The following CNTN5 variants were observed in gnomAD, a reference collection of about 807,000 sequenced individuals.
The protein encoded by CNTN5 is contactin-5.
CNTN5 carries 77 observed loss-of-function variants against 129.1 expected under a neutral mutation model. The observed-to-expected ratio is 0.60, with a 90% CI of 0.50 to 0.72. The LOEUF is 0.72. Ranked by LOEUF, CNTN5 falls within the 30% of genes least tolerant of loss-of-function variation. CNTN5 has a pLI of 0.00. For synonymous variants in CNTN5, 509 were observed against 465.6 expected, an observed-to-expected ratio of 1.09 and a Z score of -1.20; for missense variants, 1,478 against 1,328.8, an observed-to-expected ratio of 1.11 and a Z score of -1.75.
At chr11:99,819,921 G>T (rs115005117) in intron 4 of CNTN5, among the ~76,000 whole-genome samples, 156 bp downstream of exon 4, 137 of 152,324 alleles carry the variant, frequency 9.0e-4, no homozygotes, top group African/African-American at 3.2e-3. Context: ...TAAAGCTGGG[G>T]TGAGCTAGTA....
At chr11:99,504,089 C>T (rs1946525412) in intron 2 of CNTN5, among the ~76,000 whole-genome samples, 1 of 152,120 alleles carries the variant, frequency 6.6e-6, no homozygotes, top group Non-Finnish European at 1.5e-5. Context: ...AATTATAAAT[C>T]TGTGGTGAAC....
intron 1 of CNTN5, among the ~76,000 whole-genome samples, chr11:99,154,063 C>T (rs774319340): frequency 7.9e-5 from 12 of 152,176 alleles, no homozygotes; most frequent in African/African-American, 2.2e-4. Context: ...GAAAACACTC[C>T]GATGGATTGT....
In CNTN5 at chr11:100,089,952, C is replaced by G. The variant is rs12291112; in HGVS notation, c.1580+15658C>G. On this transcript the variant is annotated intron_variant, in intron 13 of 24. Coordinates refer to ENST00000524871, the MANE Select transcript of CNTN5 (RefSeq NM_014361.4). ...TAGCTAATGCATGCTGGGTTTAATA[C>G]CTAGGTGATGGGTTGACAGGTGCAG... is the stretch of plus-strand genomic sequence containing the variant. Among the ~76,000 whole-genome samples the G allele has an allele frequency of 4.0e-3, 601 of 152,082 alleles. 4 individuals carry two copies. The highest frequency in any genetic ancestry group is 0.014 in the African/African-American group (578 of 41,496).
intron 1 of CNTN5, among the ~76,000 whole-genome samples, chr11:99,210,681 C>A (rs1424444731): frequency 6.6e-6 from 1 of 152,000 alleles, no homozygotes; most frequent in Admixed American, 6.6e-5. Context: ...TTGTTTAAAT[C>A]AAATCCAGTG....
chr11:100,185,121 T>C (rs1166849170), intron 13 of CNTN5, among the ~76,000 whole-genome samples: 1 of 152,178 alleles, frequency 6.6e-6, no homozygotes, highest in Non-Finnish European at 1.5e-5. Context: ...TAAACCTCTT[T>C]ACTTCATAAA....
At chr11:100,147,619 T>G (rs978908864) in intron 13 of CNTN5, among the ~76,000 whole-genome samples, 1 of 152,010 alleles carries the variant, frequency 6.6e-6, no homozygotes, top group African/African-American at 2.4e-5. Flanking sequence ...TATTTTTTTG[T>G]CAAAAAAAAT....
chr11:99,649,711 C>T (rs1296071839), intron 3 of CNTN5, among the ~76,000 whole-genome samples: 1 of 149,852 alleles, frequency 6.7e-6, no homozygotes, highest in Non-Finnish European at 1.5e-5. Context: ...GAAGGGGGCT[C>T]ACTGAAGAAG....
intron 8 of CNTN5, among the ~76,000 whole-genome samples, chr11:99,957,669 C>T (rs564972875): frequency 6.6e-6 from 1 of 151,836 alleles, no homozygotes; most frequent in Non-Finnish European, 1.5e-5. Context: ...TGTCATGCAG[C>T]AAAAAATCTA....
chr11:99,329,318 T>C (rs1052148775), intron 2 of CNTN5, among the ~76,000 whole-genome samples: 11 of 152,210 alleles, frequency 7.2e-5, no homozygotes, highest in Admixed American at 5.9e-4. Context: ...TTAATATGAA[T>C]GTATGCAAAA....
At chr11:100,017,915 T>C (rs1000948465) in intron 9 of CNTN5, among the ~76,000 whole-genome samples, 1 of 151,892 alleles carries the variant, frequency 6.6e-6, no homozygotes, top group Non-Finnish European at 1.5e-5. Context: ...TAAAAGAAAA[T>C]AGAATAGACA....
chr11:99,718,174 T>TGTG (rs1943044880), intron 3 of CNTN5, among the ~76,000 whole-genome samples: 1 of 152,092 alleles, frequency 6.6e-6, no homozygotes, highest in Non-Finnish European at 1.5e-5. Context: ...CCTCACTCTT[T>TGTG]ATGATTGTTA....
intron 13 of CNTN5, among the ~76,000 whole-genome samples, chr11:100,143,868 G>C (rs1361772424): frequency 2.0e-5 from 3 of 152,110 alleles, no homozygotes; most frequent in Non-Finnish European, 2.9e-5. Context: ...TGTGATTTGA[G>C]CTTTTTTCCT....
At chr11:100,190,729 G>GT (rs5794041) in intron 13 of CNTN5, among the ~76,000 whole-genome samples, 6,371 of 102,996 alleles carry the variant, frequency 0.062, 162 homozygotes, top group Middle Eastern at 0.19. Context: ...TTTTTATGCT[G>GT]TTTTTTTTTT....
intron 2 of CNTN5, among the ~76,000 whole-genome samples, chr11:99,328,884 A>AG (rs1455042356): frequency 4.9e-4 from 71 of 143,936 alleles, no homozygotes; most frequent in African/African-American, 1.8e-3. Context: ...AAAAAAAAAA[A>AG]AAAAGAAAAA....
intron 9 of CNTN5, among the ~76,000 whole-genome samples, chr11:100,012,905 C>T (rs1252006931): frequency 1.3e-5 from 2 of 152,124 alleles, no homozygotes; most frequent in African/African-American, 4.8e-5. Flanking sequence ...TTAAGTTAAT[C>T]TCCCAGGAAT....
rs569255282 is a variant in CNTN5, at chr11:100,029,442, G to C, written c.980+27306G>C. 5.3e-5 allele frequency among the ~76,000 whole-genome samples: 8 copies of C among 152,174 alleles called. No homozygotes were observed. The South Asian group carries it at 1.7e-3, about 32-fold the overall frequency. ...CTAAAAATACAAAAAAATTAGCCGG[G>C]CGAGGTGGCAGGCGCCTGTAGTCCC... is the stretch of plus-strand genomic sequence containing the variant. On this transcript the variant is annotated intron_variant, in intron 9 of 24. Coordinates refer to ENST00000524871, the MANE Select transcript of CNTN5 (RefSeq NM_014361.4).
At chr11:99,540,240 G>A (rs1204263628) in intron 2 of CNTN5, among the ~76,000 whole-genome samples, 1 of 152,158 alleles carries the variant, frequency 6.6e-6, no homozygotes, top group Admixed American at 6.6e-5. Flanking sequence ...AACTAAATAT[G>A]TGTTGTGTTC....
intron 3 of CNTN5, among the ~76,000 whole-genome samples, chr11:99,579,577 A>T (rs1949496708): frequency 6.9e-6 from 1 of 145,750 alleles, no homozygotes; most frequent in Non-Finnish European, 1.5e-5. Flanking sequence ...TAGGTATTTT[A>T]TTCTCTTTGA....
chr11:99,397,003 A>C (rs1941559698), intron 2 of CNTN5, among the ~76,000 whole-genome samples: 2 of 151,822 alleles, frequency 1.3e-5, no homozygotes, highest in South Asian at 4.1e-4. Flanking sequence ...AGCATCTCAA[A>C]AAGTTTGACA....
Sources: gnomAD v4.1 joint callset for allele counts (sites outside exome capture counted in the v4.1 genomes callset) on GRCh38, gnomAD v4.1.1 for gene constraint, MANE v1.5 for transcripts, NCBI Gene and HGNC (gene_info 2026-07-23, HGNC 2026-07-21) for gene names.